The following LTK variants were observed in gnomAD, a reference collection of about 807,000 sequenced individuals.
LTK encodes the protein leukocyte receptor tyrosine kinase.
Under a neutral mutation model 101.5 loss-of-function variants are expected in LTK, and 117 were observed. The observed-to-expected ratio is 1.15, with a 90% CI of 0.99 to 1.34. The LOEUF is 1.34. LTK is among the 40% of genes most tolerant of loss of function. LTK has a pLI of 0.00. For synonymous variants in LTK, 563 were observed against 494.2 expected, an observed-to-expected ratio of 1.14 and a Z score of -1.85; for missense variants, 1,252 against 1,164.7, an observed-to-expected ratio of 1.07 and a Z score of -1.09.
chr15:41,510,250 C>G (rs1259424141), intron 7 of LTK, among the ~76,000 whole-genome samples: 1 of 152,042 alleles, frequency 6.6e-6, no homozygotes, highest in East Asian at 1.9e-4. Context: ...TCAAGATCCA[C>G]CCGCCTCCGC....
At chr15:41,506,991 G>A in intron 11 of LTK, 104 bp downstream of exon 11, 1 of 1,152,656 alleles carries the variant, frequency 8.7e-7, no homozygotes, top group Admixed American at 2.3e-5. Flanking sequence ...CACAAGGGAT[G>A]TGGGCCAGAT....
At chr15:41,504,314 A>C (rs1244556202) in intron 19 of LTK, 28 bp downstream of exon 19, 2 of 1,613,324 alleles carry the variant, frequency 1.2e-6, no homozygotes, top group Non-Finnish European at 1.7e-6. Context: ...CCACAAGACC[A>C]GGATGTTAGA....
rs747673963 is a variant in LTK at position 41,505,413 on chromosome 15, AC to A, written c.1814del (p.Ser605IlefsTer23). The A allele has an allele frequency of 9.3e-6, 15 of 1,613,822 alleles. No homozygotes were observed. Among genetic ancestry groups the A allele is most frequent in the Non-Finnish European group, 1.1e-5 (13 of 1,179,964 alleles). ...GGDMKSFLRH[S>X]RPHLGQPSPL... is the part of the protein sequence containing the mutation. ...ACAAGGGTCTCACCAGGTGTGGCCG[AC>A]TGTGCCTCAGGAAACTCTTCATGTC... is the stretch of plus-strand genomic sequence containing the variant. On this transcript the variant is annotated frameshift_variant, in exon 14 of 20. Transcript: ENST00000263800. LOFTEE classifies it high-confidence loss of function.
intron 1 of LTK, 129 bp from the exon 2 acceptor site, chr15:41,513,249 T>A: frequency 1.7e-6 from 2 of 1,208,888 alleles, no homozygotes; most frequent in South Asian, 2.9e-5. Flanking sequence ...AGCCGCGCTC[T>A]CAGCCTGGAA....
At position 41,511,948 on chromosome 15, in the gene LTK, G is replaced by T; in HGVS notation, c.526C>A (p.Gln176Lys). 6.7e-7 allele frequency: 1 copy of T among 1,488,446 alleles called. No homozygotes were observed. The allele number at this position is 1,488,446 out of a possible 1,614,324, so 92.2% of individuals were successfully genotyped here. ...DACPGGSPES[Q>K]LVCLGESRAV... ...CGAGACTCCCCGAGGCAGACGAGCT[G>T]GCTCTCCGGGCTACCCTGCGGGCAG... The change falls in exon 5 of 20, where the codon CAG (glutamine) becomes AAG (lysine). Residue 176 changes from glutamine to lysine, a missense_variant. By Grantham distance (53) the Gln-to-Lys change is moderately conservative. Transcript: ENST00000263800. The surrounding 1 kb of genome is among the most constrained non-coding windows in gnomAD (Gnocchi z 5.9).
In LTK at chr15:41,505,920, T is replaced by C. The variant is rs1345782140; in HGVS notation, c.1627A>G (p.Ile543Val). ...PGDSSPLQVAIKTLPELCSPQ... is the reference protein window; with the variant it reads ...PGDSSPLQVAVKTLPELCSPQ... ...AGAAGTCCCACTCCTCTCACCTTGA[T>C]AGCTACCTGCAGGGGACTGGAGTCC... Residue 543 changes from isoleucine to valine, a missense_variant, in exon 12 of 20, where the codon ATC (isoleucine) becomes GTC (valine). Ile to Val is a conservative substitution (Grantham distance 29, BLOSUM62 3). Coordinates refer to ENST00000263800, the MANE Select transcript of LTK (RefSeq NM_002344.6). 1 of 1,613,314 alleles carries C rather than the reference T, an allele frequency of 6.2e-7. No homozygotes were observed. Among genetic ancestry groups the C allele is most frequent in the African/African-American group, 1.3e-5 (1 of 74,910 alleles).
intron 8 of LTK, among the ~76,000 whole-genome samples, chr15:41,508,562 TAAAA>T (rs869185834): frequency 2.0e-5 from 2 of 99,742 alleles, no homozygotes; most frequent in Admixed American, 1.2e-4. Flanking sequence ...GTCTCAAAAA[TAAAA>T]ATAAATAAAT....
At position 41,504,198 on chromosome 15, in the gene LTK, G is replaced by A. The variant is rs1376900166; in HGVS notation, c.2393C>T (p.Thr798Ile). ...CCCAGAAGTCCCTTCCTCCTCTGGG[G>A]TGGGCCCCAGCTCCATTGGCAGGAG... ...NSLLPMELGP[T>I]PEEEGTSGLG... is the part of the protein sequence containing the mutation. Residue 798 changes from threonine (T) to isoleucine (I), a missense_variant, in exon 20 of 20, where the codon ACC (threonine) becomes ATC (isoleucine). Transcript: ENST00000263800. 6.2e-7 allele frequency: 1 copy of A among 1,612,856 alleles called. No individual in the cohort carries two copies. Among genetic ancestry groups the A allele is most frequent in the African/African-American group, 1.3e-5 (1 of 74,916 alleles).
chr15:41,507,592 G>T lies in LTK; in HGVS notation c.1315C>A (p.Leu439Ile). The change falls in exon 10 of 20, where the codon CTC (leucine) becomes ATC (isoleucine). Residue 439 changes from leucine (L) to isoleucine (I), a missense_variant. Physicochemically the swap from Leu to Ile is conservative, Grantham distance 5. Transcript: ENST00000263800. ...ATCAGGACCCCACACACCATAAGGA[G>T]GCTCAGTGTTGAGGTTGCCACCACA... ...VAVVATSTLS[L>I]LMVCGVLILV... 6.2e-7 allele frequency: 1 copy of T among 1,613,992 alleles called. No homozygotes were observed. Among genetic ancestry groups the T allele is most frequent in the Non-Finnish European group, 8.5e-7 (1 of 1,179,984 alleles).
intron 9 of LTK, 127 bp downstream of exon 9, chr15:41,507,942 C>G: frequency 9.8e-7 from 1 of 1,019,112 alleles, no homozygotes; most frequent in South Asian, 1.7e-5. Flanking sequence ...AATCTCCAAT[C>G]CCCTGCCCAG....
At position 41,511,407 on chromosome 15, in the gene LTK, G is replaced by A. The variant is rs2051455742; in HGVS notation, c.814+15C>T. The A allele has an allele frequency of 3.6e-6, 5 of 1,373,412 alleles. No individual in the cohort carries two copies. The Admixed American group carries it at 1.9e-4, about 54-fold the overall frequency. The allele number at this position is 1,373,412 out of a possible 1,614,324, so 85.1% of individuals were successfully genotyped here. On this transcript the variant is annotated intron_variant, in intron 6 of 19. Transcript: ENST00000263800. The surrounding 1 kb of genome is among the most constrained non-coding windows in gnomAD (Gnocchi z 5.9). ...GGGGAGCACGCCCGCCTCTCCCCGC[G>A]GCCCGCGCCCTCACCTGCCGCCCCG...
chr15:41,505,688 G>C, intron 13 of LTK, 25 bp downstream of exon 13: 1 of 1,613,188 alleles, frequency 6.2e-7, no homozygotes, highest in South Asian at 1.1e-5. Flanking sequence ...CCGCCTTCCA[G>C]CCCTGCCCCT....
intron 7 of LTK, among the ~76,000 whole-genome samples, chr15:41,510,236 G>C (rs949523345): frequency 2.0e-5 from 3 of 151,604 alleles, no homozygotes; most frequent in Non-Finnish European, 4.4e-5. Context: ...TCAAACTCCT[G>C]ACCTCAAGAT....
Position 41,505,015 on chromosome 15 carries a change from C to T in LTK, c.1975G>A (p.Val659Met). Residue 659 changes from valine to methionine, a missense_variant, in exon 16 of 20, where the codon GTG becomes ATG. Val to Met is a conservative substitution (Grantham distance 21). Transcript: ENST00000263800. ...CLLSCAGPSR[V>M]AKIGDFGMAR... Reference sequence around the variant, plus strand: ...ATCCCAAAGTCCCCAATCTTGGCCACTCGGCTGGGTCCAGCGCAGCTCAGC... The same window carrying T: ...ATCCCAAAGTCCCCAATCTTGGCCATTCGGCTGGGTCCAGCGCAGCTCAGC... The T allele has an allele frequency of 6.2e-7, 1 of 1,613,622 alleles. No individual in the cohort carries two copies. Among genetic ancestry groups the T allele is most frequent in the Non-Finnish European group, 8.5e-7 (1 of 1,179,708 alleles).
chr15:41,507,061 T>G, intron 11 of LTK, 34 bp downstream of exon 11: 1 of 1,579,788 alleles, frequency 6.3e-7, no homozygotes, highest in Non-Finnish European at 8.6e-7. Context: ...GGATTCAGAG[T>G]GCATAGGTTC....
rs756867166 is a variant in LTK at position 41,511,835 on chromosome 15, GCCCCCGCCA to G, written c.630_638del (p.Gly211_Gly213del). ...CACGTACCCGGAAAACGTAGGTGGC[GCCCCCGCCA>G]CCCCCGCCACCTCCCGCCCAGCGCC... On this transcript the variant is annotated inframe_deletion, in exon 5 of 20. Coordinates refer to ENST00000263800, the MANE Select transcript of LTK (RefSeq NM_002344.6). The surrounding 1 kb of genome is among the most constrained non-coding windows in gnomAD (Gnocchi z 5.9). The G allele has an allele frequency of 1.9e-4, 279 of 1,477,262 alleles. 1 individual carries two copies. Among genetic ancestry groups the G allele is most frequent in the South Asian group, 1.3e-3 (99 of 77,216 alleles). The allele number at this position is 1,477,262 out of a possible 1,614,324, so 91.5% of individuals were successfully genotyped here. A position where few individuals can be genotyped will look rare whatever the true frequency, so the allele number is the denominator to read the frequency against.
intron 9 of LTK, 45 bp downstream of exon 9, chr15:41,508,024 T>C (rs758747266): frequency 6.5e-7 from 1 of 1,538,706 alleles, no homozygotes; most frequent in East Asian, 2.3e-5. Flanking sequence ...CTCCTCCCAG[T>C]CTGTGACCCC....
chr15:41,506,999 G>T (rs2051306280), intron 11 of LTK, 96 bp downstream of exon 11: 3 of 1,301,804 alleles, frequency 2.3e-6, no homozygotes, highest in Non-Finnish European at 3.2e-6. Flanking sequence ...ATGTGGGCCA[G>T]ATTTTTTCTG....
rs1474002400 is a variant in LTK at position 41,504,031 on chromosome 15, G to A, written c.2560C>T (p.Pro854Ser). Residue 854 changes from proline to serine, a missense_variant, in exon 20 of 20, where the codon CCT becomes TCT. By Grantham distance (74) the Pro-to-Ser change is moderately conservative. Transcript: ENST00000263800. Reference protein sequence around the residue: ...LKPLKSRGLQPQNLWNPTYRS With the variant: ...LKPLKSRGLQSQNLWNPTYRS ...TAAGTGGGATTCCAAAGGTTCTGAGGTTGGAGGCCCCTGGATTTGAGGGGC... is the reference window on the plus strand; with the variant it reads ...TAAGTGGGATTCCAAAGGTTCTGAGATTGGAGGCCCCTGGATTTGAGGGGC... 3 of 1,612,064 alleles carry A rather than the reference G, an allele frequency of 1.9e-6. No individual in the cohort carries two copies. The highest frequency in any genetic ancestry group is 2.2e-5 in the South Asian group (2 of 90,950).
Sources: allele counts gnomAD v4.1 joint callset (sites outside exome capture counted in the v4.1 genomes callset), GRCh38; gene constraint gnomAD v4.1.1; non-coding constraint Gnocchi (gnomAD v3.1); transcripts MANE v1.5; gene names NCBI Gene and HGNC (gene_info 2026-07-23, HGNC 2026-07-21).